Variants in FSTL4 observed in about 807,000 individuals in gnomAD.
FSTL4 encodes follistatin like 4, also known as follistatin-related protein 4.
In FSTL4, 28 loss-of-function variants were observed where a neutral mutation model predicts 78.2. The observed-to-expected ratio is 0.36, with a 90% CI of 0.27 to 0.49. The LOEUF (loss-of-function observed/expected upper bound fraction) is 0.49, where lower values mean the gene tolerates loss of function less well. FSTL4 is among the 20% of genes least tolerant of loss of function. The pLI is 0.98. For missense variants in FSTL4, 922 were observed against 1,084.9 expected, an observed-to-expected ratio of 0.85 and a Z score of 2.11; for synonymous variants, 422 against 440.5, an observed-to-expected ratio of 0.96 and a Z score of 0.53.
intron 13 of FSTL4, among the ~76,000 whole-genome samples, chr5:133,214,997 G>A (rs1245188943): frequency 6.6e-6 from 1 of 151,942 alleles, no homozygotes; most frequent in Non-Finnish European, 1.5e-5. Flanking sequence ...CCTCACCTAC[G>A]ATTCTAACTT....
the FSTL4 span, among the ~76,000 whole-genome samples, chr5:133,737,038 TC>T: frequency 1.4e-4 from 21 of 152,234 alleles, no homozygotes; most frequent in South Asian, 1.7e-3. Flanking sequence ...GAACAGGGTA[TC>T]CAGCCCCTCA....
Position 133,197,330 on chromosome 5 carries a change from A to T in FSTL4, c.*1765T>A, listed in dbSNP as rs1426400601. 9 of 152,244 alleles carry T rather than the reference A, an allele frequency of 5.9e-5. No individual in the cohort carries two copies. The highest frequency in any genetic ancestry group is 2.2e-4 in the African/African-American group (9 of 41,466). 9.4% of individuals were successfully genotyped at this position (152,244 alleles called of 1,614,324 possible). A position where few individuals can be genotyped will look rare whatever the true frequency, so the allele number is the denominator to read the frequency against. On this transcript the variant is annotated 3_prime_UTR_variant, in exon 16 of 16. Coordinates refer to ENST00000265342, the MANE Select transcript of FSTL4 (RefSeq NM_015082.2). Reference sequence around the variant, plus strand: ...GATGGGTCATCCATGCATCCCAGCTACTGTGAAACTGCATTCTAGGCTTTT... The same window carrying T: ...GATGGGTCATCCATGCATCCCAGCTTCTGTGAAACTGCATTCTAGGCTTTT...
At chr5:133,474,042 G>C (rs1212331290) in intron 3 of FSTL4, among the ~76,000 whole-genome samples, 1 of 152,096 alleles carries the variant, frequency 6.6e-6, no homozygotes, top group African/African-American at 2.4e-5. Flanking sequence ...TTGCTACAGG[G>C]ATGGTATGAT....
At chr5:133,460,613 C>T (rs978739309) in intron 3 of FSTL4, among the ~76,000 whole-genome samples, 4 of 152,154 alleles carry the variant, frequency 2.6e-5, no homozygotes, top group African/African-American at 9.7e-5. Flanking sequence ...GAAAAAAAGT[C>T]GACTTTCCAG....
At chr5:133,750,904 A>G in the FSTL4 span, among the ~76,000 whole-genome samples, 1 of 152,166 alleles carries the variant, frequency 6.6e-6, no homozygotes, top group East Asian at 1.9e-4. Flanking sequence ...TACAGCCCTG[A>G]GAACGCATCC....
At chr5:133,574,598 A>G (rs1760234333) in intron 2 of FSTL4, among the ~76,000 whole-genome samples, 1 of 152,262 alleles carries the variant, frequency 6.6e-6, no homozygotes, top group Non-Finnish European at 1.5e-5. Flanking sequence ...ACTCCTAAGT[A>G]AATGTCCAAC....
chr5:133,627,395 C>A, the FSTL4 span, among the ~76,000 whole-genome samples: 1 of 152,118 alleles, frequency 6.6e-6, no homozygotes, highest in Non-Finnish European at 1.5e-5. Flanking sequence ...CATCAGCTCT[C>A]ATGAGACTTA....
intron 13 of FSTL4, among the ~76,000 whole-genome samples, chr5:133,210,578 C>T (rs971726568): frequency 5.3e-5 from 8 of 151,846 alleles, no homozygotes; most frequent in Admixed American, 1.3e-4. Context: ...CTGCAACCTC[C>T]GCCTCCCAGG....
In FSTL4 at chr5:133,490,846, T is replaced by C. The variant is rs1405930803; in HGVS notation, c.160+76340A>G. 2.6e-5 allele frequency among the ~76,000 whole-genome samples: 4 copies of C among 152,354 alleles called. No individual in the cohort carries two copies. The East Asian group carries it at 7.7e-4, about 29-fold the overall frequency. ...TGTGTATTAGGTGTGGAGTTTTACA[T>C]ATAATGAATGGATTAATCTTATTAG... On this transcript the variant is annotated intron_variant, in intron 3 of 15. Coordinates refer to ENST00000265342, the MANE Select transcript of FSTL4 (RefSeq NM_015082.2).
At chr5:133,754,522 A>G in the FSTL4 span, among the ~76,000 whole-genome samples, 2 of 152,244 alleles carry the variant, frequency 1.3e-5, no homozygotes, top group African/African-American at 2.4e-5. Context: ...TGTATAGTTT[A>G]CACAAAACAG....
chr5:133,548,860 A>G (rs1401171002), intron 3 of FSTL4, among the ~76,000 whole-genome samples: 1 of 152,216 alleles, frequency 6.6e-6, no homozygotes. Context: ...ACAGAAAATA[A>G]GAGTAAGAGT....
At chr5:133,637,400 T>G in the FSTL4 span, among the ~76,000 whole-genome samples, 1 of 152,114 alleles carries the variant, frequency 6.6e-6, no homozygotes, top group Admixed American at 6.5e-5. Context: ...AATAAAAATT[T>G]TGATTGAGCA....
At chr5:133,701,509 A>ACACACACACACACCCCC in the FSTL4 span, among the ~76,000 whole-genome samples, 1 of 132,622 alleles carries the variant, frequency 7.5e-6, no homozygotes, top group South Asian at 2.6e-4. Context: ...ACACACACAC[A>ACACACACACACACCCCC]CCCCACAGGC....
chr5:133,471,671 C>G (rs1314012123), intron 3 of FSTL4, among the ~76,000 whole-genome samples: 1 of 152,096 alleles, frequency 6.6e-6, no homozygotes, highest in Non-Finnish European at 1.5e-5. Flanking sequence ...CCAGGCTATG[C>G]GATTTTGTTA....
chr5:133,245,908 A>G (rs1752026575), intron 7 of FSTL4, among the ~76,000 whole-genome samples: 1 of 152,250 alleles, frequency 6.6e-6, no homozygotes, highest in African/African-American at 2.4e-5. Context: ...TACATGTGTC[A>G]TTAGAATGGC....
the FSTL4 span, among the ~76,000 whole-genome samples, chr5:133,666,628 G>A: frequency 6.0e-5 from 9 of 150,394 alleles, no homozygotes; most frequent in Non-Finnish European, 1.2e-4. Flanking sequence ...CTTTAACACC[G>A]TTTTCCTCTT....
the FSTL4 span, among the ~76,000 whole-genome samples, chr5:133,624,101 G>C: frequency 1.3e-5 from 2 of 151,898 alleles, no homozygotes; most frequent in Non-Finnish European, 2.9e-5. Flanking sequence ...CCACCCCTAA[G>C]TATATGCCCA....
At chr5:133,221,368 CCT>C (rs973624249) in intron 11 of FSTL4, among the ~76,000 whole-genome samples, 2 of 152,114 alleles carry the variant, frequency 1.3e-5, no homozygotes, top group East Asian at 1.9e-4. Context: ...CTGGCCAACC[CCT>C]CTTTCCAGAC....
chr5:133,726,801 T>C, the FSTL4 span, among the ~76,000 whole-genome samples: 1 of 152,138 alleles, frequency 6.6e-6, no homozygotes, highest in Non-Finnish European at 1.5e-5. Flanking sequence ...ATAATGAAAA[T>C]AAAACCAGTT....
Sources: gnomAD v4.1 joint callset for allele counts (sites outside exome capture counted in the v4.1 genomes callset) on GRCh38, gnomAD v4.1.1 for gene constraint, MANE v1.5 for transcripts, NCBI Gene and HGNC (gene_info 2026-07-23, HGNC 2026-07-21) for gene names.